Variants in TRMT11 observed in about 807,000 individuals in gnomAD.
TRMT11 encodes the protein tRNA methyltransferase 11.
In TRMT11, 53 loss-of-function variants were observed where a neutral mutation model predicts 62.8. That is an observed-to-expected ratio of 0.84 (90% CI 0.68 to 1.06). The LOEUF (loss-of-function observed/expected upper bound fraction) is 1.06, where lower values mean the gene tolerates loss of function less well. Ranked by LOEUF, TRMT11 falls within the 50% of genes least tolerant of loss-of-function variation. The probability of loss-of-function intolerance (pLI) is 0.00; values close to 1 mark genes in which losing one functional copy is unlikely to be tolerated. For synonymous variants in TRMT11, 188 were observed against 190.3 expected, an observed-to-expected ratio of 0.99 and a Z score of 0.10; for missense variants, 556 against 553.4, an observed-to-expected ratio of 1.00 and a Z score of -0.05.
At chr6:126,093,554 G>T (rs1777298070) in intron 17 of TRMT11, among the ~76,000 whole-genome samples, 1 of 117,140 alleles carries the variant, frequency 8.5e-6, no homozygotes, top group Non-Finnish European at 1.7e-5. Context: ...TGTCTTATTT[G>T]GTACTCTAGT....
intron 3 of TRMT11, 36 bp downstream of exon 3, chr6:125,996,076 T>G (rs376006767): frequency 7.3e-7 from 1 of 1,375,348 alleles, no homozygotes; most frequent in South Asian, 1.2e-5. Flanking sequence ...ATGAATATAC[T>G]GGTACTTCTC....
downstream of TRMT11, among the ~76,000 whole-genome samples, chr6:126,044,127 C>A (rs896420858): frequency 6.6e-6 from 1 of 151,786 alleles, no homozygotes; most frequent in African/African-American, 2.4e-5. Context: ...GAAGTCCTTG[C>A]CCATGCCTAT....
intron 1 of TRMT11, among the ~76,000 whole-genome samples, chr6:126,191,748 T>C (rs1778603354): frequency 6.6e-6 from 1 of 152,086 alleles, no homozygotes; most frequent in African/African-American, 2.4e-5. Context: ...AAAAATGAGT[T>C]GTCTATAAGT....
chr6:126,056,812 T>C (rs1356140496), intron 17 of TRMT11, among the ~76,000 whole-genome samples: 3 of 152,174 alleles, frequency 2.0e-5, no homozygotes, highest in Non-Finnish European at 2.9e-5. Flanking sequence ...ACTGGCCTGA[T>C]AGCTGGGGGC....
At chr6:126,158,645 A>C (rs1402043183) in intron 21 of TRMT11, among the ~76,000 whole-genome samples, 1 of 152,124 alleles carries the variant, frequency 6.6e-6, no homozygotes, top group African/African-American at 2.4e-5. Flanking sequence ...TACTGTATTT[A>C]TTTTTTACAT....
chr6:126,226,748 T>G, the TRMT11 span, among the ~76,000 whole-genome samples: 3 of 152,242 alleles, frequency 2.0e-5, no homozygotes, highest in African/African-American at 7.2e-5. Context: ...TTCCTCATTT[T>G]AAAATATACA....
At chr6:126,177,242 T>A (rs1392777448) in exon 1 of TRMT11, 1 of 152,192 alleles carries the variant, frequency 6.6e-6, no homozygotes, top group Non-Finnish European at 1.5e-5. Flanking sequence ...TGGACTGAAT[T>A]GTAGTGCCAT....
At chr6:126,204,464 C>T (rs928290168), downstream of TRMT11, among the ~76,000 whole-genome samples, 1 of 152,184 alleles carries the variant, frequency 6.6e-6, no homozygotes, top group Admixed American at 6.5e-5. Flanking sequence ...CTGTGTACTG[C>T]GTTCTTTCAA....
chr6:126,263,006 T>C, the TRMT11 span, among the ~76,000 whole-genome samples: 6 of 152,154 alleles, frequency 3.9e-5, no homozygotes, highest in Non-Finnish European at 5.9e-5. Flanking sequence ...TCCCATTTCA[T>C]TTTTGATTTA....
At chr6:126,226,756 A>G in the TRMT11 span, among the ~76,000 whole-genome samples, 2 of 152,346 alleles carry the variant, frequency 1.3e-5, no homozygotes, top group South Asian at 2.1e-4. Flanking sequence ...TTTAAAATAT[A>G]CATTTTTAAT....
chr6:126,057,786 G>GC (rs953005980), intron 17 of TRMT11, among the ~76,000 whole-genome samples: 17 of 152,290 alleles, frequency 1.1e-4, no homozygotes, highest in African/African-American at 4.1e-4. Context: ...CATTTTGACA[G>GC]CACTGGGGCT....
chr6:126,030,633 G>A (rs1774027635), intron 12 of TRMT11, among the ~76,000 whole-genome samples: 1 of 152,166 alleles, frequency 6.6e-6, no homozygotes, highest in African/African-American at 2.4e-5. Flanking sequence ...TTGCAATGAA[G>A]CTGCTGTTTT....
chr6:126,170,018 C>T (rs562460772), intron 21 of TRMT11, among the ~76,000 whole-genome samples: 2 of 152,140 alleles, frequency 1.3e-5, no homozygotes, highest in African/African-American at 4.8e-5. Flanking sequence ...ATCCTCCCGT[C>T]TCATTAGATT....
At chr6:126,047,019 G>A (rs966258632) in intron 16 of TRMT11, among the ~76,000 whole-genome samples, 1 of 152,026 alleles carries the variant, frequency 6.6e-6, no homozygotes, top group Non-Finnish European at 1.5e-5. Flanking sequence ...GGTAAAAGGA[G>A]ATACCCTTCA....
downstream of TRMT11, among the ~76,000 whole-genome samples, chr6:126,203,874 C>G (rs1428466183): frequency 6.6e-6 from 1 of 151,688 alleles, no homozygotes; most frequent in Non-Finnish European, 1.5e-5. Context: ...ATTTACAAAG[C>G]TGTCCAACAC....
intron 2 of TRMT11, among the ~76,000 whole-genome samples, chr6:126,199,190 C>T (rs535122348): frequency 1.3e-5 from 2 of 152,316 alleles, no homozygotes; most frequent in South Asian, 4.1e-4. Flanking sequence ...CAACAAAGGA[C>T]TTGAGGGACA....
chr6:126,134,270 AAGACATACAT>A (rs1274743311), intron 21 of TRMT11, among the ~76,000 whole-genome samples: 1 of 151,936 alleles, frequency 6.6e-6, no homozygotes, highest in Non-Finnish European at 1.5e-5. Context: ...TTCACCTGAA[AAGACATACAT>A]AGACTGAAAG....
At chr6:126,201,760 C>T (rs1778736785) in intron 3 of TRMT11, among the ~76,000 whole-genome samples, 1 of 151,318 alleles carries the variant, frequency 6.6e-6, no homozygotes, top group African/African-American at 2.4e-5. Flanking sequence ...TTTGTCTACT[C>T]CTTCATTCTC....
At chr6:125,987,491 G>A (rs1427069674) in intron 1 of TRMT11, among the ~76,000 whole-genome samples, 1 of 152,074 alleles carries the variant, frequency 6.6e-6, no homozygotes, top group Non-Finnish European at 1.5e-5. Context: ...CTTGGAAGGG[G>A]GATTTATTGA....
Sources: allele counts gnomAD v4.1 joint callset (sites outside exome capture counted in the v4.1 genomes callset), GRCh38; gene constraint gnomAD v4.1.1; transcripts MANE v1.5; gene names NCBI Gene and HGNC (gene_info 2026-07-23, HGNC 2026-07-21).